Variants in DENND2B observed in about 807,000 individuals in gnomAD.
DENND2B encodes the protein DENN domain containing 2B.
DENND2B carries 32 observed loss-of-function variants against 116.0 expected under a neutral mutation model. The ratio of observed to expected loss-of-function variants is 0.28; its 90% CI spans 0.21 to 0.37. The LOEUF is 0.37. Ranked by LOEUF, DENND2B falls within the 10% of genes least tolerant of loss-of-function variation. The pLI is 1.00. For synonymous variants in DENND2B, 588 were observed against 583.9 expected, an observed-to-expected ratio of 1.01 and a Z score of -0.10; for missense variants, 1,276 against 1,477.7, an observed-to-expected ratio of 0.86 and a Z score of 2.24.
At chr11:8,869,330 T>C (rs1236657726) in intron 2 of DENND2B, among the ~76,000 whole-genome samples, 1 of 152,204 alleles carries the variant, frequency 6.6e-6, no homozygotes, top group Non-Finnish European at 1.5e-5. Context: ...TTGAACAATT[T>C]TTCTTCCCCC....
chr11:8,842,621 T>C (rs1392998203), intron 3 of DENND2B, among the ~76,000 whole-genome samples: 1 of 152,226 alleles, frequency 6.6e-6, no homozygotes, highest in East Asian at 1.9e-4. Context: ...TCTCTATCAC[T>C]GTGCTAAACA....
chr11:8,842,040 C>A (rs1024195420), intron 3 of DENND2B, among the ~76,000 whole-genome samples: 10 of 152,160 alleles, frequency 6.6e-5, no homozygotes, highest in African/African-American at 1.7e-4. Flanking sequence ...AACCAAAGTT[C>A]AAATCCTGGA....
At chr11:8,875,077 A>G (rs2063828020), upstream of DENND2B, among the ~76,000 whole-genome samples, 1 of 152,140 alleles carries the variant, frequency 6.6e-6, no homozygotes, top group Non-Finnish European at 1.5e-5. Context: ...TAATCCCAGC[A>G]CTTTGGGAGG....
intron 4 of DENND2B, among the ~76,000 whole-genome samples, chr11:8,724,274 T>C (rs1159846071): frequency 1.3e-5 from 2 of 150,212 alleles, no homozygotes; most frequent in Admixed American, 6.6e-5. Flanking sequence ...CCAGCCTGGG[T>C]GACAGAGCGA....
Position 8,715,691 on chromosome 11 carries a change from A to G in DENND2B, c.1757T>C (p.Leu586Pro). Residue 586 changes from leucine to proline, a missense_variant, in exon 6 of 20, where the codon CTG (leucine) becomes CCG (proline). Leu to Pro is a moderately conservative substitution (Grantham distance 98, BLOSUM62 -3). Coordinates refer to ENST00000313726, the MANE Select transcript of DENND2B (RefSeq NM_213618.2). ...ATTGAGGCTGGAGGGTGAGGACGGC[A>G]GACTCAGCTGAGCCAGCAGCAGCAT... Reference protein sequence around the residue: ...DDMLLLAQLSLPSSPSSLNED... With the variant: ...DDMLLLAQLSPPSSPSSLNED... The G allele has an allele frequency of 4.3e-6, 7 of 1,614,212 alleles. No individual in the cohort carries two copies. Among genetic ancestry groups the G allele is most frequent in the Non-Finnish European group, 5.9e-6 (7 of 1,180,040 alleles).
intron 4 of DENND2B, among the ~76,000 whole-genome samples, chr11:8,837,383 T>C (rs2062470477): frequency 6.6e-6 from 1 of 152,228 alleles, no homozygotes; most frequent in Admixed American, 6.5e-5. Context: ...AGTCTCGCTC[T>C]GTTGTCCAGG....
intron 18 of DENND2B, 151 bp from the exon 19 acceptor site, chr11:8,695,700 C>T (rs1003338438): frequency 1.8e-5 from 12 of 678,624 alleles, no homozygotes; most frequent in African/African-American, 1.1e-4. Context: ...TACTAGAATT[C>T]GGGCTGGCTC....
intron 2 of DENND2B, among the ~76,000 whole-genome samples, chr11:8,861,616 CA>C (rs2063393882): frequency 6.6e-6 from 1 of 152,162 alleles, no homozygotes; most frequent in South Asian, 2.1e-4. Flanking sequence ...CTATGGAAAA[CA>C]GTATGGAGAT....
intron 1 of DENND2B, chr11:8,756,918 GT>G: frequency 2.5e-6 from 1 of 407,132 alleles, no homozygotes; most frequent in Non-Finnish European, 4.9e-6. Flanking sequence ...GAAACTGCAT[GT>G]TTAGAAAAGG....
chr11:8,884,598 T>C (rs1198839557), intron 1 of DENND2B, among the ~76,000 whole-genome samples: 1 of 152,216 alleles, frequency 6.6e-6, no homozygotes, highest in East Asian at 1.9e-4. Flanking sequence ...CAGTGATCGA[T>C]GGTTACAGGA....
chr11:8,862,960 G>A (rs756583193), intron 2 of DENND2B, among the ~76,000 whole-genome samples: 24 of 152,038 alleles, frequency 1.6e-4, no homozygotes, highest in Non-Finnish European at 3.1e-4. Context: ...ATAGACAAAG[G>A]CTGCTAGATG....
chr11:8,890,788 G>C (rs887554843), intron 1 of DENND2B, among the ~76,000 whole-genome samples: 1 of 152,172 alleles, frequency 6.6e-6, no homozygotes. Flanking sequence ...AAGTGACAGG[G>C]AGAATGGAAC....
At chr11:8,787,760 C>T (rs1042867869) in intron 1 of DENND2B, among the ~76,000 whole-genome samples, 4 of 152,236 alleles carry the variant, frequency 2.6e-5, no homozygotes, top group Non-Finnish European at 5.9e-5. Flanking sequence ...TTAATCTCAT[C>T]TCCTTCAGTG....
chr11:8,906,568 A>C (rs1046056586), intron 1 of DENND2B, among the ~76,000 whole-genome samples: 1 of 151,976 alleles, frequency 6.6e-6, no homozygotes, highest in African/African-American at 2.4e-5. Flanking sequence ...AATATCTTCC[A>C]AATACTATTC....
At chr11:8,716,918 C>T (rs1452138279) in intron 5 of DENND2B, among the ~76,000 whole-genome samples, 1 of 152,246 alleles carries the variant, frequency 6.6e-6, no homozygotes, top group Non-Finnish European at 1.5e-5. Context: ...GCTAGGATTA[C>T]ATGCGTGAGC....
Position 8,896,317 on chromosome 11 carries a change from A to G in DENND2B, c.-256+14504T>C, listed in dbSNP as rs2064100852. Among the ~76,000 whole-genome samples, 5 of 152,360 alleles carry G rather than the reference A, an allele frequency of 3.3e-5. No individual in the cohort carries two copies. The South Asian group carries it at 1.0e-3, about 32-fold the overall frequency. On this transcript the variant is annotated intron_variant, in intron 1 of 22. Transcript: ENST00000534127. ...TATAAGCTTTATCCTAAAAGAATAT[A>G]TAAAAGTAAGCCTTAAGAGAGTCCA...
At chr11:8,878,562 G>A (rs2063869609) in intron 2 of DENND2B, among the ~76,000 whole-genome samples, 1 of 152,088 alleles carries the variant, frequency 6.6e-6, no homozygotes, top group Non-Finnish European at 1.5e-5. Context: ...ACTAATTTTT[G>A]TATTTTTGTA....
intron 1 of DENND2B, among the ~76,000 whole-genome samples, chr11:8,893,873 T>C (rs2064065274): frequency 6.6e-6 from 1 of 152,074 alleles, no homozygotes. Flanking sequence ...CCAACGACTT[T>C]CTTCACAGAA....
intron 4 of DENND2B, among the ~76,000 whole-genome samples, chr11:8,825,730 T>C (rs932587018): frequency 4.6e-5 from 7 of 152,020 alleles, no homozygotes; most frequent in African/African-American, 9.7e-5. Context: ...GGGTAAAATA[T>C]GTAATTTTAC....
Sources: gnomAD v4.1 joint callset for allele counts (sites outside exome capture counted in the v4.1 genomes callset) on GRCh38, gnomAD v4.1.1 for gene constraint, MANE v1.5 for transcripts, NCBI Gene and HGNC (gene_info 2026-07-23, HGNC 2026-07-21) for gene names.